Variants in RAPGEF1 observed in about 807,000 individuals in gnomAD.
RAPGEF1 encodes the protein Rap guanine nucleotide exchange factor 1.
In RAPGEF1, 33 loss-of-function variants were observed where a neutral mutation model predicts 143.3. The observed-to-expected ratio is 0.23, with a 90% CI of 0.17 to 0.31. RAPGEF1 has a LOEUF of 0.31. RAPGEF1 is among the 10% of genes least tolerant of loss of function. The pLI is 1.00. For missense variants in RAPGEF1, 1,199 were observed against 1,645.4 expected, an observed-to-expected ratio of 0.73 and a Z score of 4.69; for synonymous variants, 629 against 676.5, an observed-to-expected ratio of 0.93 and a Z score of 1.09.
At chr9:131,737,376 T>A (rs745460770) in intron 1 of RAPGEF1, 1 of 1,613,600 alleles carries the variant, frequency 6.2e-7, no homozygotes, top group East Asian at 2.2e-5. Flanking sequence ...GTCTTCCTCA[T>A]TCCCGCACTC....
At chr9:131,627,366 A>G (rs1390223420) in intron 9 of RAPGEF1, among the ~76,000 whole-genome samples, 1 of 152,114 alleles carries the variant, frequency 6.6e-6, no homozygotes, top group Non-Finnish European at 1.5e-5. Context: ...TTTCCTACCA[A>G]TGAAAATCTT....
At chr9:131,636,050 TGTCTCTTCCTTGGGGAAGC>T (rs1966290199) in intron 5 of RAPGEF1, among the ~76,000 whole-genome samples, 1 of 152,210 alleles carries the variant, frequency 6.6e-6, no homozygotes, top group African/African-American at 2.4e-5. Flanking sequence ...GATGCTGGCC[TGTCTCTTCCTTGGGGAAGC>T]GTCTCTGACC....
At chr9:131,606,499 A>G (rs958665600) in intron 12 of RAPGEF1, among the ~76,000 whole-genome samples, 2 of 152,244 alleles carry the variant, frequency 1.3e-5, no homozygotes, top group Admixed American at 1.3e-4. Context: ...AGGAAAGTCA[A>G]GCCCAGTGCA....
At chr9:131,652,887 A>ATT (rs1452217294) in intron 1 of RAPGEF1, among the ~76,000 whole-genome samples, 1 of 152,204 alleles carries the variant, frequency 6.6e-6, no homozygotes, top group Non-Finnish European at 1.5e-5. Flanking sequence ...TGTGCTATAT[A>ATT]TTTACACCAG....
chr9:131,629,196 T>C lies in RAPGEF1; in HGVS notation c.799A>G (p.Met267Val). 6.2e-7 allele frequency: 1 copy of C among 1,613,974 alleles called. No homozygotes were observed. Among genetic ancestry groups the C allele is most frequent in the Non-Finnish European group, 8.5e-7 (1 of 1,179,866 alleles). Residue 267 changes from methionine to valine, a missense_variant, in exon 7 of 27, where the codon ATG becomes GTG. Around this residue, in one of 6 missense-constraint regions of RAPGEF1, gnomAD observed 613 missense variants for 710.9 expected, o/e 0.86. Coordinates refer to ENST00000683357, the MANE Select transcript of RAPGEF1 (RefSeq NM_001377935.1). ...EVEILNKTTGMSQSTELLPDA... is the reference protein window; with the variant it reads ...EVEILNKTTGVSQSTELLPDA... Reference sequence around the variant, plus strand: ...GGGAGGAGCTCAGTTGACTGTGACATCCCAGTCGTCTTGTTTAGGATCTCT... The same window carrying C: ...GGGAGGAGCTCAGTTGACTGTGACACCCCAGTCGTCTTGTTTAGGATCTCT...
intron 1 of RAPGEF1, among the ~76,000 whole-genome samples, chr9:131,669,641 T>C (rs1564665964): frequency 1.3e-5 from 2 of 152,042 alleles, no homozygotes; most frequent in South Asian, 2.1e-4. Context: ...CTCCTCCTCA[T>C]GTTCTGACAT....
intron 1 of RAPGEF1, among the ~76,000 whole-genome samples, chr9:131,697,879 G>C (rs1315372305): frequency 6.6e-6 from 1 of 152,210 alleles, no homozygotes; most frequent in Non-Finnish European, 1.5e-5. Context: ...ACCTGGACTA[G>C]AGGCTGAGTG....
At chr9:131,634,134 T>G (rs1965686899) in intron 5 of RAPGEF1, among the ~76,000 whole-genome samples, 1 of 152,066 alleles carries the variant, frequency 6.6e-6, no homozygotes, top group Non-Finnish European at 1.5e-5. Context: ...GCACCTGTGG[T>G]CCCAGCTACT....
intron 10 of RAPGEF1, among the ~76,000 whole-genome samples, chr9:131,623,509 T>C (rs1242724248): frequency 1.3e-5 from 2 of 152,220 alleles, no homozygotes; most frequent in Non-Finnish European, 2.9e-5. Flanking sequence ...ACTCTTGATG[T>C]TGAAGTCCTT....
At chr9:131,624,174 C>T (rs937268891) in intron 10 of RAPGEF1, among the ~76,000 whole-genome samples, 14 of 152,328 alleles carry the variant, frequency 9.2e-5, no homozygotes, top group Admixed American at 9.1e-4. Context: ...CTGTGCCCCA[C>T]TTGCTTGTTG....
intron 1 of RAPGEF1, among the ~76,000 whole-genome samples, chr9:131,684,749 T>C (rs537877619): frequency 1.3e-5 from 2 of 152,360 alleles, no homozygotes; most frequent in East Asian, 1.9e-4. Context: ...GAGGTTATGC[T>C]TGTATTTCTC....
At chr9:131,725,998 A>G (rs927571385) in intron 1 of RAPGEF1, among the ~76,000 whole-genome samples, 1 of 151,684 alleles carries the variant, frequency 6.6e-6, no homozygotes, top group African/African-American at 2.4e-5. Context: ...TGACCTCGTG[A>G]TTCACCCGCC....
At chr9:131,662,869 A>G (rs1003266117) in intron 1 of RAPGEF1, among the ~76,000 whole-genome samples, 5 of 152,020 alleles carry the variant, frequency 3.3e-5, no homozygotes, top group African/African-American at 1.2e-4. Flanking sequence ...GGGTCTCACT[A>G]TGTTGCCTAG....
chr9:131,607,527 A>T (rs1303393344), intron 12 of RAPGEF1, among the ~76,000 whole-genome samples: 2 of 152,056 alleles, frequency 1.3e-5, no homozygotes, highest in Non-Finnish European at 2.9e-5. Context: ...GGGAAAGTCC[A>T]CAGAGAAGAC....
At chr9:131,697,343 T>C (rs530545772) in intron 1 of RAPGEF1, among the ~76,000 whole-genome samples, 24 of 152,318 alleles carry the variant, frequency 1.6e-4, no homozygotes, top group African/African-American at 5.5e-4. Context: ...GCTCCCTCTA[T>C]CCAAAGAGAG....
chr9:131,657,233 ACAGG>A (rs746506463), intron 1 of RAPGEF1, among the ~76,000 whole-genome samples: 1 of 152,186 alleles, frequency 6.6e-6, no homozygotes, highest in Admixed American at 6.5e-5. Flanking sequence ...ACGGCTCCAG[ACAGG>A]CAGGCAGACA....
At chr9:131,665,951 T>C (rs2081453716) in intron 1 of RAPGEF1, among the ~76,000 whole-genome samples, 1 of 152,228 alleles carries the variant, frequency 6.6e-6, no homozygotes, top group Non-Finnish European at 1.5e-5. Flanking sequence ...GAGACCCCAA[T>C]GAGAGAATCA....
Position 131,619,226 on chromosome 9 carries a change from A to AGAGAGAAGGCAGG in RAPGEF1, c.1906-33_1906-21dup. On this transcript the variant is annotated intron_variant, in intron 11 of 26. Transcript: ENST00000683357. The stretch of plus-strand genomic sequence containing the variant: ...GGAGGCCTGCTGGACAGAGGGGAGG[A>AGAGAGAAGGCAGG]GAGAGAAGGCAGGGAAGGAGGGAGA... 3 of 1,301,474 alleles carry AGAGAGAAGGCAGG rather than the reference A, an allele frequency of 2.3e-6. No individual in the cohort carries two copies. Among genetic ancestry groups the AGAGAGAAGGCAGG allele is most frequent in the Non-Finnish European group, 3.0e-6 (3 of 986,698 alleles). 80.6% of individuals were successfully genotyped at this position (1,301,474 alleles called of 1,614,324 possible). A position where few individuals can be genotyped will look rare whatever the true frequency, so the allele number is the denominator to read the frequency against.
chr9:131,739,405 G>A (rs1837608938), intron 1 of RAPGEF1, among the ~76,000 whole-genome samples: 1 of 152,180 alleles, frequency 6.6e-6, no homozygotes, highest in South Asian at 2.1e-4. Context: ...CCGAGCCCAG[G>A]CCGGGCACCG....
Sources: allele counts gnomAD v4.1 joint callset (sites outside exome capture counted in the v4.1 genomes callset), GRCh38; gene constraint gnomAD v4.1.1; regional missense constraint gnomAD v4.1.1; transcripts MANE v1.5; gene names NCBI Gene and HGNC (gene_info 2026-07-23, HGNC 2026-07-21).